ABRACL: variants seen among roughly 807,000 people sequenced by gnomAD.
The protein encoded by ABRACL is ABRA C-terminal like.
In ABRACL, 4 loss-of-function variants were observed where a neutral mutation model predicts 7.0. The observed-to-expected ratio is 0.57, with a 90% CI of 0.28 to 1.30. The LOEUF (loss-of-function observed/expected upper bound fraction) is 1.30. ABRACL is among the 50% of genes most tolerant of loss of function. The pLI is 0.10. For synonymous variants in ABRACL, 30 were observed against 36.0 expected, an observed-to-expected ratio of 0.83 and a Z score of 0.60; for missense variants, 104 against 97.3, an observed-to-expected ratio of 1.07 and a Z score of -0.29.
In ABRACL at chr6:139,040,393, G is replaced by T. The variant is rs182176465; in HGVS notation, c.62-2326G>T. Among the ~76,000 whole-genome samples the T allele has an allele frequency of 3.3e-5, 5 of 152,284 alleles. No individual in the cohort carries two copies. The East Asian group carries it at 9.6e-4, about 29-fold the overall frequency. ...ATTTGTCAGATTGAGGGGTGAGGGG[G>T]CATGAGAACTCCAAGATTACACTCA... On this transcript the variant is annotated intron_variant, in intron 2 of 2. Coordinates refer to ENST00000367660, the MANE Select transcript of ABRACL (RefSeq NM_021243.3).
At position 139,042,713 on chromosome 6, in the gene ABRACL, A is replaced by G. The variant is rs760947347; in HGVS notation, c.62-6A>G. 1.9e-6 allele frequency: 3 copies of G among 1,608,368 alleles called. No homozygotes were observed. The highest frequency in any genetic ancestry group is 2.2e-5 in the East Asian group (1 of 44,712). ...CATTTGCTAACAATGTATTTTCTCA[A>G]ACTAGATGCTGATGGAAAGTTAAGC... On this transcript the variant is annotated splice_polypyrimidine_tract_variant and splice_region_variant and intron_variant, in intron 2 of 2. Transcript: ENST00000367660.
In ABRACL at chr6:139,042,744, A is replaced by G. The variant is rs751241615; in HGVS notation, c.87A>G (p.Lys29=). Residue 29 remains lysine, a synonymous_variant, in exon 3 of 3, where the codon AAA becomes AAG. Transcript: ENST00000367660. ...SKNADGKLSV[K]FGVLFRDDKC... is the part of the protein sequence containing the mutation. ...ATGCTGATGGAAAGTTAAGCGTGAA[A>G]TTTGGGGTCCTCTTCCGTGATGATA... 102 of 1,611,500 alleles carry G rather than the reference A, an allele frequency of 6.3e-5. No homozygotes were observed. The highest frequency in any genetic ancestry group is 8.1e-5 in the Non-Finnish European group (95 of 1,179,116).
chr6:139,035,489 CT>C (rs11427534), intron 2 of ABRACL, among the ~76,000 whole-genome samples: 11 of 149,436 alleles, frequency 7.4e-5, no homozygotes, highest in East Asian at 6.0e-4. Context: ...ACTTTTAATT[CT>C]TTTTTTTTTC....
At chr6:139,035,085 A>G (rs1056782929) in intron 2 of ABRACL, among the ~76,000 whole-genome samples, 1 of 152,228 alleles carries the variant, frequency 6.6e-6, no homozygotes, top group Non-Finnish European at 1.5e-5. Context: ...TTGTGTCATT[A>G]TAGTTTGATT....
intron 1 of ABRACL, among the ~76,000 whole-genome samples, chr6:139,031,143 A>G (rs1407936838): frequency 1.3e-5 from 2 of 152,182 alleles, no homozygotes; most frequent in Non-Finnish European, 2.9e-5. Flanking sequence ...AGAGAATTGG[A>G]AAGTTCCTTA....
At chr6:139,034,058 A>T (rs1786119902) in intron 1 of ABRACL, 97 bp from the exon 2 acceptor site, 1 of 1,469,344 alleles carries the variant, frequency 6.8e-7, no homozygotes, top group Non-Finnish European at 9.3e-7. Flanking sequence ...ATTAATAGTG[A>T]CAGACGCGAC....
At chr6:139,040,425 T>C (rs1786227164) in intron 2 of ABRACL, among the ~76,000 whole-genome samples, 2 of 152,376 alleles carry the variant, frequency 1.3e-5, no homozygotes, top group South Asian at 2.1e-4. Context: ...CTCAGGTTTC[T>C]GTCTTTGGTG....
Position 139,042,814 on chromosome 6 carries a change from G to T in ABRACL, c.157G>T (p.Ala53Ser). 1.9e-6 allele frequency: 3 copies of T among 1,614,042 alleles called. No individual in the cohort carries two copies. Among genetic ancestry groups the T allele is most frequent in the Non-Finnish European group, 2.5e-6 (3 of 1,179,966 alleles). Reference protein sequence around the residue: ...FEALVGTLKAAKRRKIVTYPG... With the variant: ...FEALVGTLKASKRRKIVTYPG... ...AGCATTGGTAGGAACTCTTAAAGCTGCAAAACGAAGGAAGATTGTAACATA... is the reference window on the plus strand; with the variant it reads ...AGCATTGGTAGGAACTCTTAAAGCTTCAAAACGAAGGAAGATTGTAACATA... The change falls in exon 3 of 3, where the codon GCA (alanine) becomes TCA (serine). Residue 53 changes from alanine to serine, a missense_variant. Coordinates refer to ENST00000367660, the MANE Select transcript of ABRACL (RefSeq NM_021243.3).
At chr6:139,029,888 A>T (rs1037570509) in intron 1 of ABRACL, among the ~76,000 whole-genome samples, 1 of 152,114 alleles carries the variant, frequency 6.6e-6, no homozygotes, top group African/African-American at 2.4e-5. Flanking sequence ...TTGCCTCCAA[A>T]CTTTTGAAAA....
rs552435436 is a variant in ABRACL, at chr6:139,036,993, A to G, written c.61+2772A>G. Among the ~76,000 whole-genome samples, 17 of 149,792 alleles carry G rather than the reference A, an allele frequency of 1.1e-4. No individual in the cohort carries two copies. The South Asian group carries it at 3.6e-3, about 31-fold the overall frequency. The stretch of plus-strand genomic sequence containing the variant: ...AGTGAGACCCTGTCTCAAAACAAAA[A>G]CAAAAACAATAAAAAACTCATGAGG... On this transcript the variant is annotated intron_variant, in intron 2 of 2. Transcript: ENST00000367660.
intron 1 of ABRACL, 81 bp from the exon 2 acceptor site, chr6:139,034,074 C>T (rs1786120314): frequency 1.3e-6 from 2 of 1,573,010 alleles, no homozygotes; most frequent in East Asian, 4.5e-5. Flanking sequence ...GCGACCTGAA[C>T]AAGACAAAGG....
intron 2 of ABRACL, among the ~76,000 whole-genome samples, chr6:139,040,568 C>T (rs1472969312): frequency 2.6e-5 from 4 of 152,248 alleles, no homozygotes; most frequent in East Asian, 3.9e-4. Flanking sequence ...TTGATGGATA[C>T]CTGAAGTTCA....
chr6:139,031,820 T>C (rs1023948010), intron 1 of ABRACL, among the ~76,000 whole-genome samples: 3 of 152,174 alleles, frequency 2.0e-5, no homozygotes, highest in Admixed American at 6.5e-5. Flanking sequence ...GGTAAGACTC[T>C]ACCCAGGATA....
chr6:139,031,963 CT>C (rs58012169), intron 1 of ABRACL, among the ~76,000 whole-genome samples: 113,530 of 141,240 alleles, frequency 0.8, 45,438 homozygotes, highest in Non-Finnish European at 0.83. Context: ...TTTTTTCCCA[CT>C]TTTTTTTTTT....
At chr6:139,040,499 A>G (rs1189245559) in intron 2 of ABRACL, among the ~76,000 whole-genome samples, 2 of 152,154 alleles carry the variant, frequency 1.3e-5, no homozygotes. Flanking sequence ...AAGAGGCTTT[A>G]TCTTTATTAT....
intron 1 of ABRACL, among the ~76,000 whole-genome samples, chr6:139,029,546 C>T (rs909971061): frequency 6.6e-6 from 1 of 152,088 alleles, no homozygotes; most frequent in Non-Finnish European, 1.5e-5. Context: ...GGTGCCGCCC[C>T]GCCACGGGGG....
intron 2 of ABRACL, among the ~76,000 whole-genome samples, chr6:139,041,465 A>C (rs1294252975): frequency 7.4e-6 from 1 of 136,010 alleles, no homozygotes; most frequent in South Asian, 2.4e-4. Context: ...ATATATATAT[A>C]TATATTTCTA....
intron 2 of ABRACL, among the ~76,000 whole-genome samples, chr6:139,038,908 A>G (rs139605076): frequency 6.8e-4 from 103 of 152,236 alleles, no homozygotes; most frequent in African/African-American, 2.4e-3. Context: ...TATTTCAAGG[A>G]CACATTTCTT....
chr6:139,029,410 C>CGGGTA (rs573544200), intron 1 of ABRACL, among the ~76,000 whole-genome samples: 219 of 151,998 alleles, frequency 1.4e-3, no homozygotes, highest in African/African-American at 4.8e-3. Flanking sequence ...TTTCGTCGCC[C>CGGGTA]GGGTTGGGTG....
Sources: allele counts gnomAD v4.1 joint callset (sites outside exome capture counted in the v4.1 genomes callset), GRCh38; gene constraint gnomAD v4.1.1; transcripts MANE v1.5; gene names NCBI Gene and HGNC (gene_info 2026-07-23, HGNC 2026-07-21).